The following CRISPLD2 variants were observed in gnomAD, a reference collection of about 807,000 sequenced individuals.
The protein encoded by CRISPLD2 is cysteine rich secretory protein LCCL domain containing 2, also known as cysteine-rich secretory protein LCCL domain-containing 2.
A neutral mutation model predicts 71.1 loss-of-function variants in CRISPLD2; 47 were observed. The ratio of observed to expected loss-of-function variants is 0.66; its 90% confidence interval spans 0.52 to 0.84. The LOEUF is 0.84. Ranked by LOEUF, CRISPLD2 falls within the 40% of genes least tolerant of loss-of-function variation. CRISPLD2 has a pLI of 0.00. For missense variants in CRISPLD2, 830 were observed against 651.1 expected, an observed-to-expected ratio of 1.27 and a Z score of -2.99; for synonymous variants, 317 against 250.1, an observed-to-expected ratio of 1.27 and a Z score of -2.52.
At chr16:84,860,412 C>T (rs1321390427) in intron 6 of CRISPLD2, among the ~76,000 whole-genome samples, 1 of 152,162 alleles carries the variant, frequency 6.6e-6, no homozygotes. Context: ...ATGTGTCACA[C>T]TCCGAACCTC....
At chr16:84,868,943 A>G (rs796487) in intron 8 of CRISPLD2, 32 bp downstream of exon 8, 508,858 of 1,532,322 alleles carry the variant, frequency 0.33, 86,040 homozygotes, top group East Asian at 0.61. Context: ...CTGCCACTGT[A>G]GCCTCTGAGT....
At position 84,877,459 on chromosome 16, in the gene CRISPLD2, C is replaced by T. The variant is rs200594730; in HGVS notation, c.1178C>T (p.Thr393Met). The T allele has an allele frequency of 2.0e-5, 33 of 1,613,830 alleles. No individual in the cohort carries two copies. The highest frequency in any genetic ancestry group is 2.0e-4 in the Admixed American group (12 of 60,008). ...KVKVQDLDCY[T>M]TVAQLCPFEK... ...ACAGTGCAGGATTTGGACTGCTACA[C>T]GACCGTTGCTCAGCTGTGCCCGTTT... The change falls in exon 12 of 15, where the codon ACG (threonine) becomes ATG (methionine). Residue 393 changes from threonine to methionine, a missense_variant. Physicochemically the swap from Thr to Met is moderately conservative, Grantham distance 81. Coordinates refer to ENST00000262424, the MANE Select transcript of CRISPLD2 (RefSeq NM_031476.4).
chr16:84,900,106 G>A (rs772647506), intron 14 of CRISPLD2, among the ~76,000 whole-genome samples: 5 of 152,154 alleles, frequency 3.3e-5, no homozygotes, highest in African/African-American at 4.8e-5. Context: ...CTCTTGGTCC[G>A]GAGCCACCTG....
At chr16:84,823,325 G>A (rs116203465) in intron 1 of CRISPLD2, among the ~76,000 whole-genome samples, 2 of 152,180 alleles carry the variant, frequency 1.3e-5, no homozygotes, top group Non-Finnish European at 1.5e-5. Context: ...GAACATTTGT[G>A]TACAAGGTTT....
chr16:84,850,659 A>G lies in CRISPLD2; in HGVS notation c.584A>G (p.Tyr195Cys), dbSNP rs1917063267. The change falls in exon 5 of 15, where the codon TAC (tyrosine) becomes TGC (cysteine). Residue 195 changes from tyrosine to cysteine, a missense_variant. Physicochemically the swap from Tyr to Cys is radical, Grantham distance 194. Transcript: ENST00000262424. ...VWGEVWENAV[Y>C]FVCNYSPKGN... ...GGAGAAGTTTGGGAGAACGCGGTCT[A>G]CTTTGTCTGCAATTATTCTCCAAAG... 6.2e-7 allele frequency: 1 copy of G among 1,613,922 alleles called. No homozygotes were observed. Among genetic ancestry groups the G allele is most frequent in the African/African-American group, 1.3e-5 (1 of 74,912 alleles).
At chr16:84,823,475 A>T (rs1916276802) in intron 1 of CRISPLD2, among the ~76,000 whole-genome samples, 1 of 152,212 alleles carries the variant, frequency 6.6e-6, no homozygotes, top group Admixed American at 6.5e-5. Flanking sequence ...AACTCAGGTC[A>T]TGTCATTCCA....
chr16:84,850,889 C>T (rs748777395), intron 5 of CRISPLD2, among the ~76,000 whole-genome samples: 2 of 152,184 alleles, frequency 1.3e-5, no homozygotes, highest in African/African-American at 4.8e-5. Flanking sequence ...CCGTACCATT[C>T]TCTCCTCATG....
At chr16:84,863,997 A>AAAG (rs1555562674) in intron 6 of CRISPLD2, among the ~76,000 whole-genome samples, 3 of 145,922 alleles carry the variant, frequency 2.1e-5, no homozygotes, top group African/African-American at 5.1e-5. Context: ...AGAGAGAAAA[A>AAAG]AAAAGAAAAG....
chr16:84,868,286 C>T (rs1226536989), intron 7 of CRISPLD2, among the ~76,000 whole-genome samples: 1 of 152,368 alleles, frequency 6.6e-6, no homozygotes, highest in South Asian at 2.1e-4. Flanking sequence ...CTTTTAATAA[C>T]ATACAACGTT....
At chr16:84,848,720 C>T (rs1227548825) in intron 3 of CRISPLD2, among the ~76,000 whole-genome samples, 2 of 152,202 alleles carry the variant, frequency 1.3e-5, no homozygotes, top group East Asian at 3.9e-4. Context: ...GGATGACAGG[C>T]ATGAGCCACC....
At chr16:84,833,858 C>T (rs1427264482) in intron 1 of CRISPLD2, among the ~76,000 whole-genome samples, 1 of 152,180 alleles carries the variant, frequency 6.6e-6, no homozygotes, top group Non-Finnish European at 1.5e-5. Context: ...CCCTGACTCC[C>T]CCAGCCCAGC....
At chr16:84,903,567 G>A (rs1478168469) in intron 14 of CRISPLD2, among the ~76,000 whole-genome samples, 1 of 151,248 alleles carries the variant, frequency 6.6e-6, no homozygotes, top group Non-Finnish European at 1.5e-5. Flanking sequence ...ACTCCAGCCT[G>A]GGCAACAGGG....
intron 6 of CRISPLD2, among the ~76,000 whole-genome samples, chr16:84,856,401 C>T (rs1269304831): frequency 6.6e-6 from 1 of 152,122 alleles, no homozygotes; most frequent in African/African-American, 2.4e-5. Context: ...GAGGAGGAGC[C>T]CAAAGTGTCC....
rs1368008159 is a variant in CRISPLD2 at position 84,854,779 on chromosome 16, A to C, written c.659A>C (p.Glu220Ala). 1 of 1,614,170 alleles carries C rather than the reference A, an allele frequency of 6.2e-7. No homozygotes were observed. Among genetic ancestry groups the C allele is most frequent in the Admixed American group, 1.7e-5 (1 of 60,018 alleles). ...TACAAGAATGGCCGGCCCTGCTCTG[A>C]GTGCCCACCCAGCTATGGAGGCAGC... ...APYKNGRPCSECPPSYGGSCR... is the reference protein window; with the variant it reads ...APYKNGRPCSACPPSYGGSCR... Residue 220 changes from glutamate (E) to alanine (A), a missense_variant, in exon 6 of 15, where the codon GAG (glutamate) becomes GCG (alanine). By Grantham distance (107) the Glu-to-Ala change is moderately radical. Transcript: ENST00000262424.
At chr16:84,825,511 T>A (rs1916330373) in intron 1 of CRISPLD2, among the ~76,000 whole-genome samples, 1 of 152,160 alleles carries the variant, frequency 6.6e-6, no homozygotes, top group Admixed American at 6.5e-5. Context: ...GTCTCAGCAC[T>A]TTGGGAGGCC....
intron 13 of CRISPLD2, among the ~76,000 whole-genome samples, chr16:84,885,539 A>G (rs1452432813): frequency 1.3e-5 from 2 of 152,194 alleles, no homozygotes; most frequent in African/African-American, 2.4e-5. Context: ...TTCTGCCTGC[A>G]ACTCCAGGGC....
At chr16:84,825,128 C>T (rs184750773) in intron 1 of CRISPLD2, among the ~76,000 whole-genome samples, 72 of 152,008 alleles carry the variant, frequency 4.7e-4, no homozygotes, top group Non-Finnish European at 9.4e-4. Context: ...AAAATATGTA[C>T]TGGTACCAGT....
rs377233935 is a variant in CRISPLD2 at position 84,872,534 on chromosome 16, A to G, written c.981+26A>G. On this transcript the variant is annotated intron_variant, in intron 9 of 14. Transcript: ENST00000262424. ...GTGAGTGTGGCCAGTCCTCCTCTCA[A>G]TGGCTTGTGTGGGATCCTGTTGCAT... 5.5e-5 allele frequency: 88 copies of G among 1,591,946 alleles called. No individual in the cohort carries two copies. In the African/African-American group the frequency reaches 5.9e-4, roughly 11 times the overall value.
In CRISPLD2 at chr16:84,885,812, C is replaced by CTTTTTTTTTT. The variant is rs781115960; in HGVS notation, c.1306-3405_1306-3396dup. ...TTAATGTGGGAATGTTGGATCCCTT[C>CTTTTTTTTTT]TTTTTTTTTTTTTTTTTTTTTTGAG... is the stretch of plus-strand genomic sequence containing the variant. On this transcript the variant is annotated intron_variant, in intron 13 of 14. Transcript: ENST00000262424. Among the ~76,000 whole-genome samples the CTTTTTTTTTT allele has an allele frequency of 6.3e-5, 6 of 95,776 alleles. 2 individuals are homozygous for CTTTTTTTTTT. Among genetic ancestry groups the CTTTTTTTTTT allele is most frequent in the Admixed American group, 2.5e-4 (2 of 7,904 alleles). 62.8% of individuals were successfully genotyped at this position (95,776 alleles called of 152,430 possible). A position where few individuals can be genotyped will look rare whatever the true frequency, so the allele number is the denominator to read the frequency against.
Sources: gnomAD v4.1 joint callset for allele counts (sites outside exome capture counted in the v4.1 genomes callset) on GRCh38, gnomAD v4.1.1 for gene constraint, MANE v1.5 for transcripts, NCBI Gene and HGNC (gene_info 2026-07-23, HGNC 2026-07-21) for gene names.